The following ZNF385D variants were observed in gnomAD, a reference collection of about 807,000 sequenced individuals.
ZNF385D encodes zinc finger protein 659.
ZNF385D carries 15 observed loss-of-function variants against 35.8 expected under a neutral mutation model. That is an observed-to-expected ratio of 0.42 (90% CI 0.28 to 0.64). ZNF385D has a LOEUF of 0.64. Ranked by LOEUF, ZNF385D falls within the 30% of genes least tolerant of loss-of-function variation. The pLI, the probability that ZNF385D is intolerant of heterozygous loss-of-function variation, is 0.23. For missense variants in ZNF385D, 474 were observed against 494.6 expected (o/e 0.96, Z 0.39); for synonymous variants, 212 against 186.8 (o/e 1.13, Z -1.10).
At chr3:21,908,654 AT>A (rs1226314892) in intron 3 of ZNF385D, among the ~76,000 whole-genome samples, 2 of 152,042 alleles carry the variant, frequency 1.3e-5, no homozygotes, top group Non-Finnish European at 2.9e-5. Context: ...AAATGAAGAA[AT>A]TTGGCCAGAT....
intron 3 of ZNF385D, among the ~76,000 whole-genome samples, chr3:21,790,826 T>G (rs1338388718): frequency 6.6e-6 from 1 of 152,248 alleles, no homozygotes; most frequent in Admixed American, 6.5e-5. Flanking sequence ...GAAGTTAATT[T>G]GTTTCTTCGT....
At chr3:21,943,323 T>C (rs569088) in intron 3 of ZNF385D, among the ~76,000 whole-genome samples, 9,046 of 151,512 alleles carry the variant, frequency 0.06, 430 homozygotes, top group African/African-American at 0.12. Flanking sequence ...TATATGTATA[T>C]ATATACATAT....
At chr3:22,245,117 G>T (rs2125320060) in intron 2 of ZNF385D, among the ~76,000 whole-genome samples, 1 of 152,194 alleles carries the variant, frequency 6.6e-6, no homozygotes, top group South Asian at 2.1e-4. Flanking sequence ...TGCCTTCAAG[G>T]AAACTGAGGT....
intron 2 of ZNF385D, among the ~76,000 whole-genome samples, chr3:21,597,392 G>A (rs1276219200): frequency 6.6e-6 from 1 of 151,710 alleles, no homozygotes; most frequent in Non-Finnish European, 1.5e-5. Flanking sequence ...GAATGCACAA[G>A]AAAATGAGCC....
At chr3:22,172,230 G>C (rs780437477) in intron 2 of ZNF385D, among the ~76,000 whole-genome samples, 2 of 152,154 alleles carry the variant, frequency 1.3e-5, no homozygotes, top group African/African-American at 2.4e-5. Flanking sequence ...ACATGTTCAA[G>C]AACTGGAATT....
intron 3 of ZNF385D, among the ~76,000 whole-genome samples, chr3:22,078,070 G>C (rs1242505899): frequency 6.6e-6 from 1 of 151,996 alleles, no homozygotes; most frequent in Non-Finnish European, 1.5e-5. Flanking sequence ...CCTGAAATTT[G>C]TGAGTACCAT....
In ZNF385D at chr3:21,421,415, C is replaced by T. The variant is rs1700733439; in HGVS notation, c.987G>A (p.Lys329=). 1 of 1,613,324 alleles carries T rather than the reference C, an allele frequency of 6.2e-7. No homozygotes were observed. Among genetic ancestry groups the T allele is most frequent in the South Asian group, 1.1e-5 (1 of 91,028 alleles). Residue 329 remains lysine, a synonymous_variant, in exon 8 of 8, where the codon AAG becomes AAA. Transcript: ENST00000281523. The part of the protein sequence containing the change: ...VKLVFSKEPS[K]PLAPRILPNP... ...TTGGTAGAATTCGTGGAGCCAATGG[C>T]TTTGAAGGTTCTTTTGAAAATACTA...
intron 3 of ZNF385D, among the ~76,000 whole-genome samples, chr3:22,164,767 A>AT (rs1219912767): frequency 6.6e-6 from 1 of 152,098 alleles, no homozygotes; most frequent in Non-Finnish European, 1.5e-5. Flanking sequence ...ATAGGACCTC[A>AT]TGTGGCTGTG....
intron 2 of ZNF385D, among the ~76,000 whole-genome samples, chr3:21,596,938 C>G (rs900423770): frequency 1.3e-5 from 2 of 151,950 alleles, no homozygotes; most frequent in African/African-American, 4.8e-5. Context: ...CACTTTCAGG[C>G]CTGAAAACAA....
intron 3 of ZNF385D, among the ~76,000 whole-genome samples, chr3:22,062,451 C>G (rs991685772): frequency 6.6e-6 from 1 of 152,134 alleles, no homozygotes; most frequent in Non-Finnish European, 1.5e-5. Context: ...AAGTTCATAA[C>G]TAAGGAAATA....
intron 3 of ZNF385D, among the ~76,000 whole-genome samples, chr3:21,844,637 T>C (rs1695885239): frequency 6.6e-6 from 1 of 152,014 alleles, no homozygotes; most frequent in Non-Finnish European, 1.5e-5. Context: ...CCAAATTCAG[T>C]GCATGACATC....
At chr3:22,302,028 T>C (rs1702929210) in intron 2 of ZNF385D, among the ~76,000 whole-genome samples, 1 of 152,104 alleles carries the variant, frequency 6.6e-6, no homozygotes, top group Non-Finnish European at 1.5e-5. Context: ...CTGACATTTA[T>C]ATTGTTTCCA....
chr3:22,294,305 T>C (rs960865785), intron 2 of ZNF385D, among the ~76,000 whole-genome samples: 2 of 152,066 alleles, frequency 1.3e-5, no homozygotes, highest in Admixed American at 1.3e-4. Context: ...TTGGTGCCTC[T>C]TTGTACAACT....
chr3:21,463,095 A>T (rs1020533279), intron 4 of ZNF385D, among the ~76,000 whole-genome samples: 2 of 152,232 alleles, frequency 1.3e-5, no homozygotes, highest in Non-Finnish European at 2.9e-5. Flanking sequence ...AATATTTTTT[A>T]AAGTAGGTTA....
intron 1 of ZNF385D, among the ~76,000 whole-genome samples, chr3:21,684,610 A>C (rs776833966): frequency 6.6e-6 from 1 of 152,056 alleles, no homozygotes; most frequent in East Asian, 1.9e-4. Context: ...AAAGCATTAC[A>C]TTTTCTGACA....
At chr3:22,035,993 G>A (rs1391459129) in intron 3 of ZNF385D, among the ~76,000 whole-genome samples, 1 of 152,018 alleles carries the variant, frequency 6.6e-6, no homozygotes, top group Non-Finnish European at 1.5e-5. Context: ...AAAATGAAGA[G>A]TCAAAATAAG....
chr3:21,958,913 T>C (rs2125313715), intron 3 of ZNF385D: 1 of 152,256 alleles, frequency 6.6e-6, no homozygotes, highest in African/African-American at 2.4e-5. Context: ...TTGTATTACA[T>C]TTTATGCCAG....
At chr3:22,143,301 G>A (rs569621583) in intron 3 of ZNF385D, among the ~76,000 whole-genome samples, 1 of 152,008 alleles carries the variant, frequency 6.6e-6, no homozygotes, top group African/African-American at 2.4e-5. Context: ...AGCCAGGATG[G>A]TCTTGATCGC....
intron 1 of ZNF385D, among the ~76,000 whole-genome samples, chr3:21,749,615 TA>T (rs2125551435): frequency 6.6e-6 from 1 of 152,354 alleles, no homozygotes; most frequent in South Asian, 2.1e-4. Context: ...GGTTTTTAAC[TA>T]CAGATTCTGC....
Sources: gnomAD v4.1 joint callset for allele counts (sites outside exome capture counted in the v4.1 genomes callset) on GRCh38, gnomAD v4.1.1 for gene constraint, MANE v1.5 for transcripts, NCBI Gene and HGNC (gene_info 2026-07-23, HGNC 2026-07-21) for gene names.